STK32B: variants seen among roughly 807,000 people sequenced by gnomAD.
STK32B encodes the protein serine/threonine kinase 32B, also known as serine/threonine-protein kinase 32B.
STK32B carries 43 observed loss-of-function variants against 52.6 expected under a neutral mutation model. That is an observed-to-expected ratio of 0.82 (90% CI 0.64 to 1.05). The LOEUF (loss-of-function observed/expected upper bound fraction) is 1.05. Among genes scored for constraint, STK32B ranks in the 50% least tolerant of loss-of-function variants. The pLI, the probability that STK32B is intolerant of heterozygous loss-of-function variation, is 0.00. For synonymous variants in STK32B, 238 were observed against 204.3 expected, an observed-to-expected ratio of 1.17 and a Z score of -1.41; for missense variants, 621 against 534.6, an observed-to-expected ratio of 1.16 and a Z score of -1.59.
chr4:5,364,428 G>T (rs564771036), intron 4 of STK32B, among the ~76,000 whole-genome samples: 41 of 152,314 alleles, frequency 2.7e-4, no homozygotes, highest in Middle Eastern at 6.8e-3. Flanking sequence ...TCTTCAGTGG[G>T]CTGGCAACAT....
chr4:5,393,292 C>T (rs1294196356), intron 4 of STK32B, among the ~76,000 whole-genome samples: 2 of 152,158 alleles, frequency 1.3e-5, no homozygotes, highest in Non-Finnish European at 2.9e-5. Flanking sequence ...TGTGCCTGGC[C>T]CTGTGCTGGT....
chr4:5,404,255 G>T (rs920864442), intron 5 of STK32B, among the ~76,000 whole-genome samples: 10 of 152,212 alleles, frequency 6.6e-5, no homozygotes, highest in African/African-American at 2.4e-4. Flanking sequence ...CTCTGAAGTG[G>T]GTGGGAAAGG....
intron 3 of STK32B, among the ~76,000 whole-genome samples, chr4:5,199,274 G>C (rs1265280979): frequency 1.3e-5 from 2 of 152,162 alleles, no homozygotes; most frequent in Admixed American, 1.3e-4. Flanking sequence ...CATCAACATT[G>C]TGCAGAAAGT....
At chr4:5,040,203 T>C in the STK32B span, among the ~76,000 whole-genome samples, 1 of 152,192 alleles carries the variant, frequency 6.6e-6, no homozygotes, top group East Asian at 1.9e-4. Flanking sequence ...TGTGCTCAGC[T>C]AACACTGGAG....
At chr4:5,140,687 A>G (rs549183394) in intron 2 of STK32B, among the ~76,000 whole-genome samples, 12 of 152,292 alleles carry the variant, frequency 7.9e-5, no homozygotes, top group African/African-American at 2.9e-4. Flanking sequence ...ACTGTTGATT[A>G]GACTATTTAA....
At chr4:5,382,153 G>A (rs754691856) in intron 4 of STK32B, among the ~76,000 whole-genome samples, 1 of 152,116 alleles carries the variant, frequency 6.6e-6, no homozygotes, top group Non-Finnish European at 1.5e-5. Flanking sequence ...TGACTTAAAT[G>A]TTAATCTTAC....
At chr4:5,301,404 CTG>C (rs958874061) in intron 3 of STK32B, among the ~76,000 whole-genome samples, 20 of 152,000 alleles carry the variant, frequency 1.3e-4, no homozygotes, top group Admixed American at 1.0e-3. Context: ...GGGCTTTACT[CTG>C]TGACTATTTT....
In STK32B at chr4:5,386,943, T is replaced by TC. The variant is rs1348766731; in HGVS notation, c.435-11263dup. 6.6e-6 allele frequency among the ~76,000 whole-genome samples: 1 copy of TC among 152,048 alleles called. No homozygotes were observed. The highest frequency in any genetic ancestry group is 2.4e-5 in the African/African-American group (1 of 41,386). ...GAGCGTCTTCACAGAAATAGGAAGC[T>TC]CTCGAAGAGTCGCAGCATCTCACAG... On this transcript the variant is annotated intron_variant, in intron 4 of 11. Coordinates refer to ENST00000282908, the MANE Select transcript of STK32B (RefSeq NM_018401.3). The surrounding 1 kb of genome is among the most constrained non-coding windows in gnomAD (Gnocchi z 4.5).
chr4:5,133,346 T>A (rs1715889947), intron 1 of STK32B, among the ~76,000 whole-genome samples: 1 of 152,248 alleles, frequency 6.6e-6, no homozygotes, highest in Non-Finnish European at 1.5e-5. Context: ...GATAGATGCC[T>A]GCCACAGCTT....
chr4:5,191,933 C>T (rs940163753), intron 3 of STK32B, among the ~76,000 whole-genome samples: 13 of 152,212 alleles, frequency 8.5e-5, no homozygotes, highest in Non-Finnish European at 1.9e-4. Flanking sequence ...GGGAATACAA[C>T]AGGGGCATGG....
At chr4:5,061,857 T>C (rs1437795371) in intron 1 of STK32B, among the ~76,000 whole-genome samples, 1 of 152,248 alleles carries the variant, frequency 6.6e-6, no homozygotes, top group African/African-American at 2.4e-5. Context: ...AAGCAGCTCC[T>C]CAGCTTCTTG....
In STK32B at chr4:5,470,899, G is replaced by A. The variant is rs1717803988; in HGVS notation, c.1106+2829G>A. ...CTTCCCCACTTGAGCAGTGTAGTGA[G>A]TCGAGGGCTGGTCAGGGGGAGCCAA... On this transcript the variant is annotated intron_variant, in intron 11 of 11. Transcript: ENST00000282908. This position sits in a 1 kb window ranked among gnomAD's most constrained non-coding sequence, Gnocchi z 4.6. Among the ~76,000 whole-genome samples the A allele has an allele frequency of 6.6e-6, 1 of 152,224 alleles. No individual in the cohort carries two copies. Among genetic ancestry groups the A allele is most frequent in the Non-Finnish European group, 1.5e-5 (1 of 68,036 alleles).
chr4:5,367,668 G>C (rs540797468), intron 4 of STK32B, among the ~76,000 whole-genome samples: 8 of 152,294 alleles, frequency 5.3e-5, no homozygotes, highest in African/African-American at 1.9e-4. Flanking sequence ...AAAGAAGAAT[G>C]TGCGCATGGC....
chr4:5,164,991 C>G (rs1037708422), intron 2 of STK32B, among the ~76,000 whole-genome samples: 3 of 152,230 alleles, frequency 2.0e-5, no homozygotes, highest in Non-Finnish European at 2.9e-5. Context: ...GAGGTTTGTG[C>G]ACAGCCCCAC....
chr4:5,145,505 C>A (rs1048141026), intron 2 of STK32B, among the ~76,000 whole-genome samples: 2 of 152,144 alleles, frequency 1.3e-5, no homozygotes, highest in African/African-American at 4.8e-5. Context: ...CCTTTACTGT[C>A]AAAACCTCTC....
intron 4 of STK32B, among the ~76,000 whole-genome samples, chr4:5,355,313 C>T (rs143973552): frequency 2.7e-4 from 41 of 152,264 alleles, no homozygotes; most frequent in Non-Finnish European, 5.0e-4. Context: ...CTGCCCCGTG[C>T]CCATCTCTCC....
intron 3 of STK32B, among the ~76,000 whole-genome samples, chr4:5,244,342 A>G (rs1278103416): frequency 2.0e-5 from 3 of 152,132 alleles, no homozygotes; most frequent in Non-Finnish European, 4.4e-5. Flanking sequence ...CATTTCTTCT[A>G]GATTTTCTAG....
intron 7 of STK32B, among the ~76,000 whole-genome samples, chr4:5,448,509 G>T (rs1715679643): frequency 6.6e-6 from 1 of 152,218 alleles, no homozygotes; most frequent in Non-Finnish European, 1.5e-5. Flanking sequence ...CTGGGCTCCT[G>T]CCAACAGAAA....
At chr4:5,188,735 C>T (rs147461927) in intron 3 of STK32B, among the ~76,000 whole-genome samples, 22 of 151,592 alleles carry the variant, frequency 1.5e-4, no homozygotes, top group Admixed American at 3.9e-4. Flanking sequence ...CTACACACAA[C>T]TAGAAGAAAG....
Sources: allele counts gnomAD v4.1 joint callset (sites outside exome capture counted in the v4.1 genomes callset), GRCh38; gene constraint gnomAD v4.1.1; non-coding constraint Gnocchi (gnomAD v3.1); transcripts MANE v1.5; gene names NCBI Gene and HGNC (gene_info 2026-07-23, HGNC 2026-07-21).